Variants in DMGDH observed in about 807,000 individuals in gnomAD.
DMGDH encodes dimethylglycine dehydrogenase.
A neutral mutation model predicts 95.2 loss-of-function variants in DMGDH; 76 were observed. The observed-to-expected ratio is 0.80, with a 90% CI of 0.66 to 0.97. The LOEUF (loss-of-function observed/expected upper bound fraction) is 0.97. DMGDH is among the 50% of genes least tolerant of loss of function. The pLI is 0.00. For missense variants in DMGDH, 987 were observed against 1,055.0 expected, an observed-to-expected ratio of 0.94 and a Z score of 0.89; for synonymous variants, 345 against 377.6, an observed-to-expected ratio of 0.91 and a Z score of 1.00.
At chr5:79,021,152 T>G in intron 14 of DMGDH, 1 of 987,112 alleles carries the variant, frequency 1.0e-6, no homozygotes, top group African/African-American at 1.7e-5. Flanking sequence ...TACCGCAGCT[T>G]TGGTCAAGGC....
At chr5:79,015,374 C>T (rs559663377) in intron 14 of DMGDH, among the ~76,000 whole-genome samples, 3 of 152,298 alleles carry the variant, frequency 2.0e-5, no homozygotes, top group African/African-American at 4.8e-5. Context: ...AGTCATCAGA[C>T]GAACTCACTT....
At chr5:79,000,025 A>G (rs1294145295) in intron 15 of DMGDH, 2 of 300,750 alleles carry the variant, frequency 6.7e-6, no homozygotes, top group East Asian at 1.5e-4. Context: ...TACGCTAACA[A>G]ATATGTTGGA....
chr5:79,008,838 T>C (rs1753592793), intron 14 of DMGDH, among the ~76,000 whole-genome samples: 1 of 152,226 alleles, frequency 6.6e-6, no homozygotes, highest in Non-Finnish European at 1.5e-5. Context: ...CAATTTCTTA[T>C]GCCCTTGCTG....
chr5:79,060,241 C>T (rs1216670549), intron 2 of DMGDH, among the ~76,000 whole-genome samples: 1 of 152,208 alleles, frequency 6.6e-6, no homozygotes, highest in East Asian at 1.9e-4. Flanking sequence ...TAGTCCTCAG[C>T]TCTCAAAACA....
Position 79,063,768 on chromosome 5 carries a change from A to G in DMGDH, c.121T>C (p.Ser41Pro), listed in dbSNP as rs1755284217. 1 of 1,614,168 alleles carries G rather than the reference A, an allele frequency of 6.2e-7. No individual in the cohort carries two copies. ...CTGTCTTTCCATTGTGTTTCTGCAG[A>G]TAAGGGTGGTTTTTCCTCTCTGGAA... is the stretch of plus-strand genomic sequence containing the variant. ...GREGEEKPPL[S>P]AETQWKDRAE... Residue 41 changes from serine (S) to proline (P), a missense_variant, in exon 2 of 16, where the codon TCT (serine) becomes CCT (proline). Coordinates refer to ENST00000255189, the MANE Select transcript of DMGDH (RefSeq NM_013391.3).
chr5:79,057,961 G>A (rs1459000923), intron 2 of DMGDH, among the ~76,000 whole-genome samples: 2 of 152,128 alleles, frequency 1.3e-5, no homozygotes, highest in Non-Finnish European at 2.9e-5. Context: ...CCTCACTCCA[G>A]AAATTTTAAG....
intron 7 of DMGDH, among the ~76,000 whole-genome samples, chr5:79,039,981 T>C (rs1754462591): frequency 7.0e-6 from 1 of 142,088 alleles, no homozygotes; most frequent in South Asian, 2.6e-4. Context: ...ATCTCTTCCA[T>C]TTGGCTACTC....
chr5:78,998,830 A>G (rs932357015), intron 15 of DMGDH, among the ~76,000 whole-genome samples: 2 of 152,174 alleles, frequency 1.3e-5, no homozygotes, highest in Admixed American at 6.5e-5. Context: ...AGCCTGGATG[A>G]CAGAGTGAGA....
chr5:79,006,145 A>G (rs886079989), intron 14 of DMGDH, among the ~76,000 whole-genome samples: 2 of 151,348 alleles, frequency 1.3e-5, no homozygotes, highest in African/African-American at 4.9e-5. Context: ...GCCATTCCCA[A>G]TGCAATCAAT....
chr5:79,032,394 G>C (rs1990900), intron 9 of DMGDH, among the ~76,000 whole-genome samples: 50,130 of 152,102 alleles, frequency 0.33, 9,021 homozygotes, highest in African/African-American at 0.48. Flanking sequence ...ACTGAAGCCA[G>C]GTGGGAATTT....
Position 79,006,085 on chromosome 5 carries a change from A to G in DMGDH, c.2251-678T>C, listed in dbSNP as rs549406112. Among the ~76,000 whole-genome samples the G allele has an allele frequency of 1.7e-3, 260 of 150,424 alleles. 1 individual carries two copies. Among genetic ancestry groups the G allele is most frequent in the African/African-American group, 6.0e-3 (248 of 41,022 alleles). ...TTTTTTTACTTCTTCCGTGCAACACATGACAGATGACATTCCTATTCCTAA... is the reference window on the plus strand; with the variant it reads ...TTTTTTTACTTCTTCCGTGCAACACGTGACAGATGACATTCCTATTCCTAA... On this transcript the variant is annotated intron_variant, in intron 14 of 15. Transcript: ENST00000255189.
intron 1 of DMGDH, among the ~76,000 whole-genome samples, chr5:79,069,071 A>G (rs372892168): frequency 6.6e-6 from 1 of 152,360 alleles, no homozygotes; most frequent in East Asian, 1.9e-4. Flanking sequence ...ACCAAAAACC[A>G]TTTAAATGTT....
Position 79,063,741 on chromosome 5 carries a change from C to T in DMGDH, c.148G>A (p.Ala50Thr), listed in dbSNP as rs1411693729. The T allele has an allele frequency of 1.2e-6, 2 of 1,614,192 alleles. No homozygotes were observed. Among genetic ancestry groups the T allele is most frequent in the East Asian group, 2.2e-5 (1 of 44,888 alleles). ...LSAETQWKDRAETVIIGGGCV... is the reference protein window; with the variant it reads ...LSAETQWKDRTETVIIGGGCV... ...CCACCTCCAATTATCACTGTTTCTG[C>T]TCTGTCTTTCCATTGTGTTTCTGCA... The change falls in exon 2 of 16, where the codon GCA (alanine) becomes ACA (threonine). Residue 50 changes from alanine to threonine, a missense_variant. Ala to Thr is a moderately conservative substitution (Grantham distance 58). Coordinates refer to ENST00000255189, the MANE Select transcript of DMGDH (RefSeq NM_013391.3).
chr5:79,062,406 T>C (rs1329243963), intron 2 of DMGDH, among the ~76,000 whole-genome samples: 2 of 149,066 alleles, frequency 1.3e-5, no homozygotes, highest in African/African-American at 2.5e-5. Context: ...CCCTATACTT[T>C]GAGCACATAC....
intron 2 of DMGDH, among the ~76,000 whole-genome samples, chr5:79,056,140 C>A (rs1009877206): frequency 6.7e-6 from 1 of 149,862 alleles, no homozygotes; most frequent in Non-Finnish European, 1.5e-5. Flanking sequence ...AGCCAATAAA[C>A]ATACATGTTA....
At chr5:79,002,091 AT>A (rs1753462374) in intron 15 of DMGDH, among the ~76,000 whole-genome samples, 1 of 152,122 alleles carries the variant, frequency 6.6e-6, no homozygotes, top group Non-Finnish European at 1.5e-5. Flanking sequence ...GCCTTTTCTC[AT>A]TTCTCTCGCA....
chr5:79,015,361 C>T lies in DMGDH; in HGVS notation c.2250+8910G>A, dbSNP rs142495503. On this transcript the variant is annotated intron_variant, in intron 14 of 15. Coordinates refer to ENST00000255189, the MANE Select transcript of DMGDH (RefSeq NM_013391.3). Reference sequence around the variant, plus strand: ...TATTTGATAATTAGGAGAATGATCTCCCAGTCATCAGACGAACTCACTTTT... The same window carrying T: ...TATTTGATAATTAGGAGAATGATCTTCCAGTCATCAGACGAACTCACTTTT... Among the ~76,000 whole-genome samples, 694 of 152,328 alleles carry T rather than the reference C, an allele frequency of 4.6e-3. 5 individuals carry two copies. Among genetic ancestry groups the T allele is most frequent in the African/African-American group, 0.016 (652 of 41,574 alleles).
At chr5:79,013,065 C>T (rs1472958179) in intron 14 of DMGDH, among the ~76,000 whole-genome samples, 2 of 151,998 alleles carry the variant, frequency 1.3e-5, no homozygotes, top group Non-Finnish European at 2.9e-5. Flanking sequence ...TCAGGTTGCA[C>T]ATTTTCCAAA....
chr5:79,030,693 C>A (rs1754141786), intron 10 of DMGDH, 140 bp downstream of exon 10: 5 of 772,350 alleles, frequency 6.5e-6, no homozygotes, highest in South Asian at 1.8e-5. Context: ...AGTAAATAAG[C>A]TTGTATACTT....
Sources: gnomAD v4.1 joint callset for allele counts (sites outside exome capture counted in the v4.1 genomes callset) on GRCh38, gnomAD v4.1.1 for gene constraint, MANE v1.5 for transcripts, NCBI Gene and HGNC (gene_info 2026-07-23, HGNC 2026-07-21) for gene names.